DLGAP1: variants seen among roughly 807,000 people sequenced by gnomAD.
The protein encoded by DLGAP1 is DLG associated protein 1.
DLGAP1 carries 11 observed loss-of-function variants against 90.8 expected under a neutral mutation model. The ratio of observed to expected loss-of-function variants is 0.12; its 90% CI spans 0.08 to 0.20. DLGAP1 has a LOEUF of 0.20. Among genes scored for constraint, DLGAP1 ranks in the 10% least tolerant of loss-of-function variants. The pLI is 1.00. For missense variants in DLGAP1, 1,050 were observed against 1,333.8 expected (o/e 0.79, Z 3.31); for synonymous variants, 558 against 540.7 (o/e 1.03, Z -0.44).
chr18:3,528,028 C>T (rs1354808939), intron 10 of DLGAP1, among the ~76,000 whole-genome samples: 1 of 152,144 alleles, frequency 6.6e-6, no homozygotes, highest in East Asian at 1.9e-4. Context: ...TCTGGTACCC[C>T]ACAAAATAAA....
intron 2 of DLGAP1, among the ~76,000 whole-genome samples, chr18:4,011,714 C>T (rs112922208): frequency 0.18 from 27,091 of 151,938 alleles, 2,446 homozygotes; most frequent in African/African-American, 0.19. Context: ...GTCCCAGCTA[C>T]TTGGGAGGCT....
chr18:3,681,591 C>T (rs1350708), intron 7 of DLGAP1, among the ~76,000 whole-genome samples: 23,535 of 152,118 alleles, frequency 0.15, 2,243 homozygotes, highest in East Asian at 0.43. Flanking sequence ...CTTGGGTTCA[C>T]ATGAAATAAG....
chr18:3,545,579 G>A (rs1008198644), intron 9 of DLGAP1, among the ~76,000 whole-genome samples: 3 of 152,038 alleles, frequency 2.0e-5, no homozygotes, highest in Admixed American at 6.6e-5. Flanking sequence ...TAAATAGGCC[G>A]GGAGCCGTGG....
intron 7 of DLGAP1, chr18:3,656,160 C>T: frequency 6.6e-7 from 1 of 1,518,434 alleles, no homozygotes; most frequent in Middle Eastern, 1.7e-4. Flanking sequence ...ACCCAAATCG[C>T]CTTTTCCAGG....
chr18:3,820,354 G>A (rs2067341460), intron 4 of DLGAP1, among the ~76,000 whole-genome samples: 1 of 152,190 alleles, frequency 6.6e-6, no homozygotes, highest in Non-Finnish European at 1.5e-5. Context: ...ATGAACCCAA[G>A]GCTGTGAGTA....
At chr18:4,377,501 T>A (rs2082037996) in intron 1 of DLGAP1, among the ~76,000 whole-genome samples, 1 of 152,212 alleles carries the variant, frequency 6.6e-6, no homozygotes, top group African/African-American at 2.4e-5. Flanking sequence ...CTCACTGAGA[T>A]GAATAATAAA....
rs548425738 is a variant in DLGAP1, at chr18:4,112,000, C to T, written c.-159+39180G>A. On this transcript the variant is annotated intron_variant, in intron 2 of 12. Coordinates refer to ENST00000315677, the MANE Select transcript of DLGAP1 (RefSeq NM_004746.4). ...ATTTGCTTTAACTTTAGTTTTTTTC[C>T]TAGCATCTTAAGATGGAAGATGGTT... is the stretch of plus-strand genomic sequence containing the variant. Among the ~76,000 whole-genome samples, 7 of 150,224 alleles carry T rather than the reference C, an allele frequency of 4.7e-5. No homozygotes were observed. In the East Asian group the frequency reaches 1.2e-3, roughly 25 times the overall value.
At chr18:4,333,111 C>G (rs569030769) in intron 1 of DLGAP1, among the ~76,000 whole-genome samples, 1 of 151,964 alleles carries the variant, frequency 6.6e-6, no homozygotes, top group Non-Finnish European at 1.5e-5. Context: ...AATTCAATGG[C>G]TAAAAACTAT....
Position 3,879,016 on chromosome 18 carries a change from C to T in DLGAP1, c.957+96G>A. 1 of 1,036,810 alleles carries T rather than the reference C, an allele frequency of 9.6e-7. No homozygotes were observed. Among genetic ancestry groups the T allele is most frequent in the Non-Finnish European group, 1.3e-6 (1 of 756,416 alleles). The allele number at this position is 1,036,810 out of a possible 1,614,324, so 64.2% of individuals were successfully genotyped here. A position where few individuals can be genotyped will look rare whatever the true frequency, so the allele number is the denominator to read the frequency against. ...TTGCACAGGTTCCTATCTTAATAGA[C>T]AATTCAGAGTAGTGCCAAGACTAGA... On this transcript the variant is annotated intron_variant, in intron 4 of 12. Coordinates refer to ENST00000315677, the MANE Select transcript of DLGAP1 (RefSeq NM_004746.4). The surrounding 1 kb of genome is among the most constrained non-coding windows in gnomAD (Gnocchi z 6.6).
In DLGAP1 at chr18:4,254,208, C is replaced by T. The variant is rs149347250; in HGVS notation, c.-266-102921G>A. On this transcript the variant is annotated intron_variant, in intron 1 of 12. Transcript: ENST00000315677. Reference sequence around the variant, plus strand: ...CCTGATTTCTCGAAGTGATTGTCCCCTCCAAGTGCCATGATATACAGGTAT... The same window carrying T: ...CCTGATTTCTCGAAGTGATTGTCCCTTCCAAGTGCCATGATATACAGGTAT... 4.6e-5 allele frequency among the ~76,000 whole-genome samples: 7 copies of T among 152,268 alleles called. No individual in the cohort carries two copies. In the East Asian group the frequency reaches 1.4e-3, roughly 29 times the overall value.
intron 9 of DLGAP1, among the ~76,000 whole-genome samples, chr18:3,561,280 CAA>C (rs981584216): frequency 1.3e-5 from 1 of 78,264 alleles, no homozygotes; most frequent in Non-Finnish European, 2.5e-5. Context: ...AAAAAAAAAA[CAA>C]ACAAAAAATA....
chr18:3,566,097 C>T (rs925949738), intron 9 of DLGAP1, among the ~76,000 whole-genome samples: 2 of 150,362 alleles, frequency 1.3e-5, no homozygotes, highest in Non-Finnish European at 2.9e-5. Context: ...TGGTGAGGTG[C>T]TATAAATTAC....
intron 7 of DLGAP1, among the ~76,000 whole-genome samples, chr18:3,672,334 T>TTGGC (rs1472322009): frequency 1.3e-5 from 2 of 151,456 alleles, no homozygotes; most frequent in African/African-American, 4.9e-5. Context: ...TCCCAGCACT[T>TTGGC]TGGGAGGCTG....
intron 7 of DLGAP1, among the ~76,000 whole-genome samples, chr18:3,682,151 G>A (rs2060542503): frequency 6.7e-6 from 1 of 148,546 alleles, no homozygotes; most frequent in African/African-American, 2.5e-5. Flanking sequence ...TAAAAATAAC[G>A]AACGAACTAA....
At chr18:4,283,540 A>G (rs1208085864) in intron 1 of DLGAP1, among the ~76,000 whole-genome samples, 1 of 152,216 alleles carries the variant, frequency 6.6e-6, no homozygotes, top group Non-Finnish European at 1.5e-5. Flanking sequence ...TAGTGAAAAT[A>G]ATTTCTTTAC....
rs575139844 is a variant in DLGAP1 at position 3,879,663 on chromosome 18, C to T, written c.406G>A (p.Gly136Ser). 1.6e-4 allele frequency: 257 copies of T among 1,606,174 alleles called. 2 individuals carry two copies. In the South Asian group the frequency reaches 2.7e-3, roughly 17 times the overall value. Residue 136 changes from glycine (G) to serine (S), a missense_variant, in exon 4 of 13, where the codon GGC becomes AGC. This residue lies in a region of DLGAP1 where 485 missense variants were observed against 454.1 expected (regional missense o/e 1.07). Coordinates refer to ENST00000315677, the MANE Select transcript of DLGAP1 (RefSeq NM_004746.4). The surrounding 1 kb of genome is among the most constrained non-coding windows in gnomAD (Gnocchi z 6.6). ...GAGTGCACCAGGTGGCGGATGCGGC[C>T]GGGGCTGTCGCTGCGGTGCTCCACG... The part of the protein sequence containing the change: ...TAVEHRSDSP[G>S]RIRHLVHSVQ...
intron 5 of DLGAP1, among the ~76,000 whole-genome samples, chr18:3,773,487 G>T (rs991584064): frequency 6.6e-6 from 1 of 152,210 alleles, no homozygotes; most frequent in Admixed American, 6.5e-5. Flanking sequence ...AGTTAGAATA[G>T]TTAATAGTTT....
At chr18:4,269,497 G>T (rs1222517737) in intron 1 of DLGAP1, among the ~76,000 whole-genome samples, 3 of 151,572 alleles carry the variant, frequency 2.0e-5, no homozygotes, top group Non-Finnish European at 4.4e-5. Flanking sequence ...GGGACTACAG[G>T]AGCCCACCAC....
At chr18:4,156,263 A>G (rs1277656329) in intron 1 of DLGAP1, among the ~76,000 whole-genome samples, 1 of 152,216 alleles carries the variant, frequency 6.6e-6, no homozygotes, top group Non-Finnish European at 1.5e-5. Flanking sequence ...GTGGGAGAGA[A>G]GTCTGGGCTG....
Sources: allele counts gnomAD v4.1 joint callset (sites outside exome capture counted in the v4.1 genomes callset), GRCh38; gene constraint gnomAD v4.1.1; regional missense constraint gnomAD v4.1.1; non-coding constraint Gnocchi (gnomAD v3.1); transcripts MANE v1.5; gene names NCBI Gene and HGNC (gene_info 2026-07-23, HGNC 2026-07-21).